C1orf141: variants seen among roughly 807,000 people sequenced by gnomAD.
The protein encoded by C1orf141 is chromosome 1 open reading frame 141.
In C1orf141, 19 loss-of-function variants were observed where a neutral mutation model predicts 23.2. That is an observed-to-expected ratio of 0.82 (90% CI 0.57 to 1.20). C1orf141 has a LOEUF of 1.20. Among genes scored for constraint, C1orf141 ranks in the 50% most tolerant of loss-of-function variants. The pLI is 0.00. For missense variants in C1orf141, 469 were observed against 455.1 expected (o/e 1.03, Z -0.28); for synonymous variants, 153 against 154.6 (o/e 0.99, Z 0.08).
intron 4 of C1orf141, among the ~76,000 whole-genome samples, chr1:67,124,711 C>G (rs1646371523): frequency 6.6e-6 from 1 of 152,192 alleles, no homozygotes; most frequent in African/African-American, 2.4e-5. Flanking sequence ...GGTCACATAG[C>G]TAACAAGTAG....
chr1:67,130,612 GT>G (rs1162516478), intron 2 of C1orf141, among the ~76,000 whole-genome samples: 1 of 152,018 alleles, frequency 6.6e-6, no homozygotes, highest in Non-Finnish European at 1.5e-5. Flanking sequence ...TAATTTTTAT[GT>G]TTTTGCTTTA....
intron 5 of C1orf141, among the ~76,000 whole-genome samples, chr1:67,105,290 C>T (rs1645897459): frequency 7.1e-6 from 1 of 140,076 alleles, no homozygotes; most frequent in Non-Finnish European, 1.5e-5. Context: ...CAAGCCACTG[C>T]ACTCCAGCCT....
In C1orf141 at chr1:67,100,344, A is replaced by T. The variant is rs114884340; in HGVS notation, c.347-4023T>A. Among the ~76,000 whole-genome samples the T allele has an allele frequency of 8.2e-3, 1,241 of 152,156 alleles. 19 individuals carry two copies. Among genetic ancestry groups the T allele is most frequent in the African/African-American group, 0.029 (1,203 of 41,496 alleles). ...TCCTACACCTGCTTTTCAGATTTCAATTTGGTTTACTTCAATGTTTATTTT... is the reference window on the plus strand; with the variant it reads ...TCCTACACCTGCTTTTCAGATTTCATTTTGGTTTACTTCAATGTTTATTTT... On this transcript the variant is annotated intron_variant, in intron 5 of 7. Coordinates refer to ENST00000684719, the MANE Select transcript of C1orf141 (RefSeq NM_001276351.2).
At chr1:67,138,134 T>C (rs1646601772), upstream of C1orf141, among the ~76,000 whole-genome samples, 1 of 152,238 alleles carries the variant, frequency 6.6e-6, no homozygotes, top group Non-Finnish European at 1.5e-5. Flanking sequence ...CCAATGTTCC[T>C]TTCCATAATA....
intron 5 of C1orf141, among the ~76,000 whole-genome samples, chr1:67,107,756 G>A (rs1266698382): frequency 6.6e-6 from 1 of 152,168 alleles, no homozygotes; most frequent in Admixed American, 6.5e-5. Flanking sequence ...CGGGCGTGGT[G>A]GCGCATGCCT....
At chr1:67,136,824 G>A (rs574913869), upstream of C1orf141, among the ~76,000 whole-genome samples, 1 of 152,050 alleles carries the variant, frequency 6.6e-6, no homozygotes, top group Non-Finnish European at 1.5e-5. Flanking sequence ...ATAACACAAA[G>A]TACAAAGTAT....
intron 4 of C1orf141, chr1:67,122,659 A>G (rs1370688241): frequency 6.6e-6 from 1 of 152,080 alleles, no homozygotes; most frequent in African/African-American, 2.4e-5. Context: ...TTTTTTGTTG[A>G]GATTTTTCCC....
At chr1:67,100,966 G>A (rs1645784073) in intron 5 of C1orf141, among the ~76,000 whole-genome samples, 1 of 151,844 alleles carries the variant, frequency 6.6e-6, no homozygotes, top group Non-Finnish European at 1.5e-5. Flanking sequence ...TGGTGGTGGT[G>A]GCGGTGAGTA....
chr1:67,128,315 G>A (rs547197322), intron 2 of C1orf141, among the ~76,000 whole-genome samples: 28 of 152,138 alleles, frequency 1.8e-4, no homozygotes, highest in African/African-American at 4.6e-4. Context: ...CTAGGGCAGA[G>A]TGGAGGCAAG....
chr1:67,108,975 T>G (rs1645999630), intron 5 of C1orf141, among the ~76,000 whole-genome samples: 1 of 152,130 alleles, frequency 6.6e-6, no homozygotes, highest in Non-Finnish European at 1.5e-5. Flanking sequence ...ACTTTTACAC[T>G]GTTGGTGGGA....
intron 4 of C1orf141, among the ~76,000 whole-genome samples, chr1:67,115,966 T>G (rs956604518): frequency 6.6e-6 from 1 of 152,196 alleles, no homozygotes; most frequent in Non-Finnish European, 1.5e-5. Context: ...GACCTCTAAA[T>G]GCTAGAACAA....
chr1:67,095,020 A>G (rs1325442141), intron 7 of C1orf141: 2 of 449,410 alleles, frequency 4.5e-6, no homozygotes, highest in African/African-American at 4.0e-5. Context: ...TTCTTCATAA[A>G]GAAAAACACT....
chr1:67,136,256 G>A (rs1646584588), upstream of C1orf141, among the ~76,000 whole-genome samples: 3 of 152,134 alleles, frequency 2.0e-5, no homozygotes, highest in Admixed American at 2.0e-4. Flanking sequence ...GCCCAGGCTA[G>A]TCTTGAACTT....
intron 5 of C1orf141, among the ~76,000 whole-genome samples, chr1:67,105,160 C>T (rs958139915): frequency 6.6e-6 from 1 of 151,734 alleles, no homozygotes; most frequent in African/African-American, 2.4e-5. Flanking sequence ...AACCCCGTCT[C>T]TACTAAAAAT....
In C1orf141 at chr1:67,095,309, A is replaced by G. The variant is rs1233751865; in HGVS notation, c.529T>C (p.Phe177Leu). ...VRKKSLLPLC[F>L]EDELKNPHAK... ...TGTGGATTTTTCAATTCATCCTCAAAGCACAACGGGAGCAAGCTTTTCTTT... is the reference window on the plus strand; with the variant it reads ...TGTGGATTTTTCAATTCATCCTCAAGGCACAACGGGAGCAAGCTTTTCTTT... Residue 177 changes from phenylalanine to leucine, a missense_variant, in exon 7 of 8, where the codon TTT (phenylalanine) becomes CTT (leucine). This residue lies in a region of C1orf141 where 370 missense variants were observed against 348.1 expected (regional missense o/e 1.06). Transcript: ENST00000684719. The G allele has an allele frequency of 5.6e-6, 9 of 1,608,318 alleles. No individual in the cohort carries two copies. The highest frequency in any genetic ancestry group is 7.7e-6 in the Non-Finnish European group (9 of 1,175,994).
At chr1:67,097,374 A>C (rs757273043) in intron 5 of C1orf141, among the ~76,000 whole-genome samples, 6 of 152,206 alleles carry the variant, frequency 3.9e-5, no homozygotes, top group African/African-American at 1.2e-4. Flanking sequence ...GCCTCTTTTA[A>C]GAGGGGATAT....
At chr1:67,114,051 A>G (rs1448942006) in intron 5 of C1orf141, among the ~76,000 whole-genome samples, 1 of 152,156 alleles carries the variant, frequency 6.6e-6, no homozygotes, top group Admixed American at 6.5e-5. Context: ...TGAGATAGAA[A>G]AAAACAAAAA....
intron 2 of C1orf141, among the ~76,000 whole-genome samples, chr1:67,128,365 ATTTATTTATTTATTTATT>A (rs1646457039): frequency 5.0e-4 from 1 of 2,020 alleles, no homozygotes; most frequent in Admixed American, 6.1e-3. Flanking sequence ...TTATTTATTT[ATTTATTTATTTATTTATT>A]TATTTATTTA....
At chr1:67,122,637 A>C (rs1274093051) in intron 4 of C1orf141, 1 of 152,134 alleles carries the variant, frequency 6.6e-6, no homozygotes, top group African/African-American at 2.4e-5. Flanking sequence ...TTATTGATCT[A>C]TTTATGTTTT....
Sources: allele counts gnomAD v4.1 joint callset (sites outside exome capture counted in the v4.1 genomes callset), GRCh38; gene constraint gnomAD v4.1.1; regional missense constraint gnomAD v4.1.1; transcripts MANE v1.5; gene names NCBI Gene and HGNC (gene_info 2026-07-23, HGNC 2026-07-21).